Variants in THOC2 observed in about 807,000 individuals in gnomAD.
THOC2 encodes the protein THO complex subunit 2.
THOC2 carries 10 observed loss-of-function variants against 128.4 expected under a neutral mutation model. That is an observed-to-expected ratio of 0.08 (90% confidence interval 0.05 to 0.13). THOC2 has a LOEUF of 0.13. Among genes scored for constraint, THOC2 ranks in the 10% least tolerant of loss-of-function variants. The pLI, the probability that THOC2 is intolerant of heterozygous loss-of-function variation, is 1.00. For synonymous variants in THOC2, 393 were observed against 396.9 expected (o/e 0.99, Z 0.12); for missense variants, 535 against 1,155.7 (o/e 0.46, Z 7.79).
intron 1 of THOC2, among the ~76,000 whole-genome samples, chrX:123,729,479 A>T (rs1352597948): frequency 1.8e-5 from 2 of 112,244 alleles, no homozygotes; most frequent in African/African-American, 6.5e-5. Context: ...TGCCCCATAC[A>T]TCTCTTATGT....
intron 9 of THOC2, among the ~76,000 whole-genome samples, chrX:123,669,277 T>C (rs2147810167): frequency 9.1e-6 from 1 of 110,344 alleles, no homozygotes; most frequent in South Asian, 3.9e-4. Context: ...ACATTTGTAT[T>C]GCTGTACTTA....
intron 20 of THOC2, among the ~76,000 whole-genome samples, chrX:123,633,699 C>T (rs992618706): frequency 9.8e-5 from 11 of 112,044 alleles, no homozygotes; most frequent in African/African-American, 3.6e-4. Flanking sequence ...CCACCACGCC[C>T]GGCCTTATTT....
rs58029242 is a variant in THOC2 at position 123,621,045 on chromosome X, T to C, written c.4217-80A>G. On this transcript the variant is annotated intron_variant, in intron 31 of 38. Coordinates refer to ENST00000245838, the MANE Select transcript of THOC2 (RefSeq NM_001081550.2). ...ACTTAAAAAAAAACACCAACTTGTA[T>C]GACAAGTTCCCCTAGCAAAACCCCT... is the stretch of plus-strand genomic sequence containing the variant. 313 of 1,172,945 alleles carry C rather than the reference T, an allele frequency of 2.7e-4. No individual in the cohort carries two copies. The African/African-American group carries it at 4.9e-3, about 18-fold the overall frequency.
At chrX:123,615,792 G>A (rs1168962491) in intron 33 of THOC2, among the ~76,000 whole-genome samples, 1 of 110,490 alleles carries the variant, frequency 9.1e-6, no homozygotes, top group Non-Finnish European at 1.9e-5. Flanking sequence ...CTTCATTCTT[G>A]ACATAAAAAG....
At chrX:123,658,057 G>A (rs927293742) in intron 12 of THOC2, among the ~76,000 whole-genome samples, 6 of 107,769 alleles carry the variant, frequency 5.6e-5, no homozygotes, top group African/African-American at 1.0e-4. Context: ...GAAAGAATTA[G>A]GATTATGCTG....
At chrX:123,613,375 T>C (rs1224117238) in intron 36 of THOC2, 24 bp downstream of exon 36, 1 of 1,177,356 alleles carries the variant, frequency 8.5e-7, no homozygotes, top group Admixed American at 2.3e-5. Flanking sequence ...TAAAGCATAT[T>C]ATTCCTTTAT....
chrX:123,633,228 C>G (rs1285758333), intron 20 of THOC2, among the ~76,000 whole-genome samples, 188 bp from the exon 21 acceptor site: 2 of 111,767 alleles, frequency 1.8e-5, no homozygotes, highest in Non-Finnish European at 3.8e-5. Context: ...AGACAAATGT[C>G]AACTGAATTT....
intron 17 of THOC2, among the ~76,000 whole-genome samples, chrX:123,638,392 C>T (rs1439750182): frequency 8.9e-6 from 1 of 111,905 alleles, no homozygotes; most frequent in African/African-American, 3.3e-5. Context: ...GGTGCAGTGG[C>T]TCATGCCTGT....
At chrX:123,656,492 C>T (rs970267866) in intron 12 of THOC2, among the ~76,000 whole-genome samples, 2 of 110,796 alleles carry the variant, frequency 1.8e-5, no homozygotes, top group Admixed American at 9.6e-5. Context: ...GTGTATCACT[C>T]GAGGCAAGGA....
intron 1 of THOC2, among the ~76,000 whole-genome samples, chrX:123,732,607 A>G (rs753968812): frequency 8.9e-6 from 1 of 111,944 alleles, no homozygotes; most frequent in South Asian, 3.8e-4. Flanking sequence ...CAGCCCCATA[A>G]AGATAAAGGA....
Position 123,652,942 on chromosome X carries a change from CAAA to C in THOC2, c.1387-7570_1387-7568del, listed in dbSNP as rs767378472. Among the ~76,000 whole-genome samples, 3 of 111,493 alleles carry C rather than the reference CAAA, an allele frequency of 2.7e-5. No individual in the cohort carries two copies. The East Asian group carries it at 8.4e-4, about 31-fold the overall frequency. On this transcript the variant is annotated intron_variant, in intron 12 of 38. Coordinates refer to ENST00000245838, the MANE Select transcript of THOC2 (RefSeq NM_001081550.2). ...AACTACTTTAAATTTCATAAGGAAC[CAAA>C]AAAGAGCTCGTGTACCCAAGACAAT...
intron 2 of THOC2, among the ~76,000 whole-genome samples, chrX:123,711,199 T>TG (rs2051174081): frequency 9.7e-6 from 1 of 103,193 alleles, no homozygotes. Context: ...TTTTTTGTTT[T>TG]TGTTTTTTTT....
intron 24 of THOC2, 146 bp from the exon 25 acceptor site, chrX:123,626,215 G>A (rs2047265602): frequency 2.2e-6 from 1 of 452,653 alleles, no homozygotes. Context: ...GTCATGCCTG[G>A]TCATGATTAT....
Position 123,678,146 on chromosome X carries a change from C to G in THOC2, c.769-6385G>C, listed in dbSNP as rs576668914. ...ACTCTTTTCAGAAATATGTCCATGC[C>G]ACGATGGTTTGCCTGGTTTGTTTGT... On this transcript the variant is annotated intron_variant, in intron 8 of 38. Coordinates refer to ENST00000245838, the MANE Select transcript of THOC2 (RefSeq NM_001081550.2). 9.9e-5 allele frequency among the ~76,000 whole-genome samples: 11 copies of G among 111,337 alleles called. No homozygotes were observed. In the South Asian group the frequency reaches 4.2e-3, roughly 43 times the overall value.
chrX:123,637,798 C>T (rs1240034895), intron 18 of THOC2, among the ~76,000 whole-genome samples: 1 of 111,073 alleles, frequency 9.0e-6, no homozygotes, highest in Non-Finnish European at 1.9e-5. Context: ...ATTTCACCTC[C>T]CCAGTAATGC....
At chrX:123,608,212 C>T (rs1441582588) in intron 38 of THOC2, among the ~76,000 whole-genome samples, 1 of 109,306 alleles carries the variant, frequency 9.1e-6, no homozygotes, top group African/African-American at 3.3e-5. Flanking sequence ...ACCAGCCTGG[C>T]CAACATTGTG....
chrX:123,706,791 G>A, intron 3 of THOC2, 67 bp downstream of exon 3: 1 of 436,549 alleles, frequency 2.3e-6, no homozygotes. Context: ...TAAACTTCAG[G>A]GATCTTTGTG....
intron 4 of THOC2, among the ~76,000 whole-genome samples, chrX:123,702,161 G>A (rs1290139813): frequency 9.0e-6 from 1 of 111,487 alleles, no homozygotes; most frequent in African/African-American, 3.3e-5. Flanking sequence ...TTGGCCGGGT[G>A]CGGTGGCTCA....
intron 33 of THOC2, among the ~76,000 whole-genome samples, chrX:123,614,991 T>G (rs1353463182): frequency 2.7e-5 from 3 of 111,997 alleles, no homozygotes; most frequent in Non-Finnish European, 3.8e-5. Flanking sequence ...AATTGAGAGA[T>G]AACCCTTCTT....
Sources: allele counts gnomAD v4.1 joint callset (sites outside exome capture counted in the v4.1 genomes callset), GRCh38; gene constraint gnomAD v4.1.1; transcripts MANE v1.5; gene names NCBI Gene and HGNC (gene_info 2026-07-23, HGNC 2026-07-21).